CREBBP: variants seen among roughly 807,000 people sequenced by gnomAD.
CREBBP encodes the protein CREB-binding protein.
CREBBP carries 19 observed loss-of-function variants against 265.0 expected under a neutral mutation model. The ratio of observed to expected loss-of-function variants is 0.07; its 90% confidence interval spans 0.05 to 0.11. The LOEUF (loss-of-function observed/expected upper bound fraction) is 0.11. CREBBP is among the 10% of genes least tolerant of loss of function. CREBBP has a pLI of 1.00. For synonymous variants in CREBBP, 1,457 were observed against 1,223.7 expected, an observed-to-expected ratio of 1.19 and a Z score of -3.98; for missense variants, 2,525 against 3,219.0, an observed-to-expected ratio of 0.78 and a Z score of 5.22.
chr16:3,866,860 C>T (rs2055188697), intron 1 of CREBBP, among the ~76,000 whole-genome samples: 1 of 152,188 alleles, frequency 6.6e-6, no homozygotes, highest in African/African-American at 2.4e-5. Flanking sequence ...TTTCTCCCCT[C>T]CTAAGTACCC....
chr16:3,837,855 A>G (rs1467734461), intron 2 of CREBBP, among the ~76,000 whole-genome samples: 8 of 152,192 alleles, frequency 5.3e-5, no homozygotes, highest in Non-Finnish European at 1.0e-4. Context: ...GCCTAAGTAT[A>G]TAGTGTTTAT....
intron 3 of CREBBP, among the ~76,000 whole-genome samples, chr16:3,801,637 T>C (rs1230170296): frequency 6.6e-6 from 1 of 152,120 alleles, no homozygotes; most frequent in East Asian, 1.9e-4. Context: ...GCCACTGCAC[T>C]CCAGCTTGTG....
At chr16:3,814,750 C>T (rs745604630) in intron 2 of CREBBP, among the ~76,000 whole-genome samples, 2 of 144,058 alleles carry the variant, frequency 1.4e-5, no homozygotes, top group South Asian at 2.2e-4. Context: ...ATGTAAGGAA[C>T]GTCCAGCTCA....
At chr16:3,866,172 G>T (rs904048351) in intron 1 of CREBBP, among the ~76,000 whole-genome samples, 1 of 152,110 alleles carries the variant, frequency 6.6e-6, no homozygotes, top group African/African-American at 2.4e-5. Flanking sequence ...AGAACTTTTC[G>T]AAAGTATTTT....
intron 2 of CREBBP, among the ~76,000 whole-genome samples, chr16:3,849,438 T>TGTGTGTGTGTGTGTGTG (rs1567360410): frequency 1.6e-4 from 2 of 12,774 alleles, no homozygotes; most frequent in African/African-American, 2.2e-4. Context: ...TGTGTGTGTG[T>TGTGTGTGTGTGTGTGTG]GTGTGTGTGT....
At chr16:3,765,011 G>A (rs1039501546) in intron 16 of CREBBP, among the ~76,000 whole-genome samples, 2 of 150,904 alleles carry the variant, frequency 1.3e-5, no homozygotes, top group South Asian at 4.2e-4. Flanking sequence ...ACGGCGTCTC[G>A]CTCTGTCTCC....
intron 3 of CREBBP, among the ~76,000 whole-genome samples, chr16:3,802,556 A>G (rs2053738703): frequency 6.6e-6 from 1 of 152,188 alleles, no homozygotes; most frequent in Non-Finnish European, 1.5e-5. Flanking sequence ...TGCTAAGGAC[A>G]TAACAGAGAT....
intron 21 of CREBBP, among the ~76,000 whole-genome samples, 186 bp downstream of exon 21, chr16:3,749,441 T>C (rs2052423387): frequency 6.6e-6 from 1 of 152,230 alleles, no homozygotes; most frequent in Admixed American, 6.5e-5. Flanking sequence ...AGAGTACATG[T>C]TACAGAGACA....
chr16:3,877,242 A>G (rs565647764), intron 1 of CREBBP, among the ~76,000 whole-genome samples: 2 of 152,370 alleles, frequency 1.3e-5, no homozygotes, highest in South Asian at 4.1e-4. Context: ...GAGTTCCTCA[A>G]GAATGTTATT....
At chr16:3,758,799 G>T in intron 17 of CREBBP, 55 bp downstream of exon 17, 2 of 1,261,382 alleles carry the variant, frequency 1.6e-6, no homozygotes, top group South Asian at 1.2e-5. Flanking sequence ...TAAAACAATG[G>T]ACACTCAGAA....
intron 22 of CREBBP, 53 bp downstream of exon 22, chr16:3,745,224 C>A (rs1411817199): frequency 6.6e-7 from 1 of 1,522,656 alleles, no homozygotes; most frequent in African/African-American, 1.4e-5. Flanking sequence ...CTGCAACTGC[C>A]CCGCCACTGG....
intron 11 of CREBBP, 141 bp from the exon 12 acceptor site, chr16:3,774,834 A>G (rs1596898123): frequency 9.3e-7 from 1 of 1,070,156 alleles, no homozygotes; most frequent in Non-Finnish European, 1.4e-6. Flanking sequence ...CAATTAATCA[A>G]TGAAGATGAT....
chr16:3,731,407 C>T lies in CREBBP; in HGVS notation c.4957G>A (p.Asp1653Asn), dbSNP rs1329802754. 1.9e-6 allele frequency: 3 copies of T among 1,607,164 alleles called. No homozygotes were observed. The highest frequency in any genetic ancestry group is 2.5e-6 in the Non-Finnish European group (3 of 1,177,378). ...ATGAGGTCACAGCTGAGCAGGGGGT[C>T]GGGGTCGACGATGGGGGGCAGGGTG... ...INTLPPIVDP[D>N]PLLSCDLMDG... Residue 1653 changes from aspartate to asparagine, a missense_variant, in exon 30 of 31, where the codon GAC becomes AAC. Asp to Asn is a conservative substitution (Grantham distance 23). Around this residue, in one of 19 missense-constraint regions of CREBBP, gnomAD observed 37 missense variants for 34.1 expected, o/e 1.09. Coordinates refer to ENST00000262367, the MANE Select transcript of CREBBP (RefSeq NM_004380.3). This position sits in a 1 kb window ranked among gnomAD's most constrained non-coding sequence, Gnocchi z 7.7.
chr16:3,873,085 C>CT (rs1458671794), intron 1 of CREBBP, among the ~76,000 whole-genome samples: 1 of 152,206 alleles, frequency 6.6e-6, no homozygotes, highest in African/African-American at 2.4e-5. Context: ...CAAGATGGTT[C>CT]TAAGTACTCA....
intron 2 of CREBBP, among the ~76,000 whole-genome samples, chr16:3,823,090 C>G (rs537659078): frequency 6.6e-6 from 1 of 152,322 alleles, no homozygotes; most frequent in East Asian, 1.9e-4. Flanking sequence ...CACCTATACA[C>G]AGCAAGGAGG....
chr16:3,745,393 A>G, intron 21 of CREBBP, 39 bp from the exon 22 acceptor site: 1 of 1,585,948 alleles, frequency 6.3e-7, no homozygotes, highest in Non-Finnish European at 8.6e-7. Context: ...AGCACACGGA[A>G]CCACAAGACC....
intron 1 of CREBBP, among the ~76,000 whole-genome samples, chr16:3,879,189 G>A (rs946479574): frequency 6.6e-6 from 1 of 151,838 alleles, no homozygotes; most frequent in African/African-American, 2.4e-5. Context: ...CGAAGTTTGG[G>A]TTTTGAAAAA....
At chr16:3,844,940 C>T (rs1251754562) in intron 2 of CREBBP, among the ~76,000 whole-genome samples, 1 of 151,936 alleles carries the variant, frequency 6.6e-6, no homozygotes, top group Non-Finnish European at 1.5e-5. Flanking sequence ...AACATAAGAC[C>T]CCCAGAAAAG....
At chr16:3,777,688 A>G (rs2053177173) in intron 10 of CREBBP, 31 bp from the exon 11 acceptor site, 10 of 1,611,938 alleles carry the variant, frequency 6.2e-6, no homozygotes, top group Non-Finnish European at 8.5e-6. Flanking sequence ...CAAAAACAAA[A>G]CCACCCTAGT....
Sources: allele counts gnomAD v4.1 joint callset (sites outside exome capture counted in the v4.1 genomes callset), GRCh38; gene constraint gnomAD v4.1.1; regional missense constraint gnomAD v4.1.1; non-coding constraint Gnocchi (gnomAD v3.1); transcripts MANE v1.5; gene names NCBI Gene and HGNC (gene_info 2026-07-23, HGNC 2026-07-21).